Variants in PNISR observed in about 807,000 individuals in gnomAD.
PNISR encodes arginine/serine-rich protein PNISR.
A neutral mutation model predicts 93.4 loss-of-function variants in PNISR; 20 were observed. The ratio of observed to expected loss-of-function variants is 0.21; its 90% CI spans 0.15 to 0.31. The LOEUF (loss-of-function observed/expected upper bound fraction) is 0.31. PNISR is among the 10% of genes least tolerant of loss of function. PNISR has a pLI of 1.00. For missense variants in PNISR, 893 were observed against 985.4 expected, an observed-to-expected ratio of 0.91 and a Z score of 1.25; for synonymous variants, 305 against 306.5, an observed-to-expected ratio of 0.99 and a Z score of 0.05.
chr6:99,408,407 A>G, intron 6 of PNISR, 136 bp from the exon 7 acceptor site: 3 of 620,200 alleles, frequency 4.8e-6, no homozygotes, highest in South Asian at 4.1e-5. Context: ...AGCAGGGACC[A>G]CTGCTCTAGT....
Position 99,425,283 on chromosome 6 carries a change from C to T in PNISR, c.-180G>A. 2 of 1,232,164 alleles carry T rather than the reference C, an allele frequency of 1.6e-6. No individual in the cohort carries two copies. Among genetic ancestry groups the T allele is most frequent in the African/African-American group, 1.5e-5 (1 of 64,550 alleles). The allele number at this position is 1,232,164 out of a possible 1,614,324, so 76.3% of individuals were successfully genotyped here. A position where few individuals can be genotyped will look rare whatever the true frequency, so the allele number is the denominator to read the frequency against. ...CACCTCTCCAACGCTTTCGATGCTT[C>T]TACTTCTTCGGGAACAAGACAAGAT... On this transcript the variant is annotated 5_prime_UTR_variant, in exon 1 of 12. Transcript: ENST00000369239.
intron 5 of PNISR, chr6:99,409,965 C>G (rs1206083796): frequency 7.2e-5 from 11 of 152,134 alleles, no homozygotes; most frequent in African/African-American, 2.4e-5. Context: ...ATCTGTATAC[C>G]AAGTATACAA....
chr6:99,404,829 A>AG, intron 8 of PNISR, 127 bp from the exon 9 acceptor site: 11 of 574,220 alleles, frequency 1.9e-5, no homozygotes, highest in Non-Finnish European at 3.4e-5. Context: ...CCCAGGCTGG[A>AG]TCATACTGGC....
rs1775909571 is a variant in PNISR, at chr6:99,404,609, T to C, written c.1096A>G (p.Thr366Ala). 1 of 1,570,526 alleles carries C rather than the reference T, an allele frequency of 6.4e-7. No homozygotes were observed. Among genetic ancestry groups the C allele is most frequent in the Non-Finnish European group, 8.8e-7 (1 of 1,140,330 alleles). ...YVAKDAHRKATKAPAKQLAQS... is the reference protein window; with the variant it reads ...YVAKDAHRKAAKAPAKQLAQS... ...CAGAAACACCAAAATATACCTTTCG[T>C]TGCTTTGCGGTGTGCATCTTTGGCT... The change falls in exon 9 of 12, where the codon ACG becomes GCG. Residue 366 changes from threonine to alanine, a missense_variant. This residue lies in a region of PNISR where 866 missense variants were observed against 935.1 expected (regional missense o/e 0.93). Transcript: ENST00000369239.
At chr6:99,401,699 G>A in intron 11 of PNISR, 69 bp from the exon 12 acceptor site, 1 of 1,222,850 alleles carries the variant, frequency 8.2e-7, no homozygotes, top group East Asian at 2.5e-5. Flanking sequence ...CAAATGTCAA[G>A]CTACCAGACT....
rs779793321 is a variant in PNISR at position 99,403,843 on chromosome 6, G to T, written c.1142C>A (p.Ser381Tyr). ...AAAACACTTACCGAGTCCAGTGAGG[G>T]AAGCCAGTGCACTGGACTGTGCCAG... ...KQLAQSSALA[S>Y]LTGLGGLGGY... The change falls in exon 10 of 12, where the codon TCC becomes TAC. Residue 381 changes from serine (S) to tyrosine (Y), a missense_variant. This residue lies in a region of PNISR where 866 missense variants were observed against 935.1 expected (regional missense o/e 0.93). Coordinates refer to ENST00000369239, the MANE Select transcript of PNISR (RefSeq NM_032870.4). 3.7e-6 allele frequency: 6 copies of T among 1,612,996 alleles called. No individual in the cohort carries two copies. Among genetic ancestry groups the T allele is most frequent in the Admixed American group, 1.7e-5 (1 of 59,926 alleles).
intron 1 of PNISR, among the ~76,000 whole-genome samples, chr6:99,423,438 A>G (rs1217099415): frequency 6.6e-6 from 1 of 152,242 alleles, no homozygotes; most frequent in Non-Finnish European, 1.5e-5. Context: ...GGCTCTGCAA[A>G]GTGACTTCCT....
rs1400356442 is a variant in PNISR, at chr6:99,400,878, TCTC to T, written c.2077_2079del (p.Glu693del). ...AAATCTTTTTCTTCCCTTTTTTGTT[TCTC>T]TTTTCTTTTATCCTGTTCACGTTCC... On this transcript the variant is annotated inframe_deletion, in exon 12 of 12. Coordinates refer to ENST00000369239, the MANE Select transcript of PNISR (RefSeq NM_032870.4). 1 of 1,588,652 alleles carries T rather than the reference TCTC, an allele frequency of 6.3e-7. No individual in the cohort carries two copies. Among genetic ancestry groups the T allele is most frequent in the Non-Finnish European group, 8.6e-7 (1 of 1,162,062 alleles).
At chr6:99,410,550 T>C in intron 5 of PNISR, 191 bp downstream of exon 5, 1 of 539,140 alleles carries the variant, frequency 1.9e-6, no homozygotes, top group Non-Finnish European at 3.3e-6. Context: ...ACCATTTTCC[T>C]AATGAAATAA....
Position 99,400,784 on chromosome 6 carries a change from C to G in PNISR, c.2174G>C (p.Gly725Ala), listed in dbSNP as rs757753204. ...TCTTATGATTTTAACAGATATAGAA[C>G]CACTCCTAGAAAATGTTCTTTCACT... ...RESERTFSRSGSISVKIIRHD... is the reference protein window; with the variant it reads ...RESERTFSRSASISVKIIRHD... Residue 725 changes from glycine (G) to alanine (A), a missense_variant, in exon 12 of 12, where the codon GGT (glycine) becomes GCT (alanine). Coordinates refer to ENST00000369239, the MANE Select transcript of PNISR (RefSeq NM_032870.4). 1.2e-5 allele frequency: 20 copies of G among 1,611,594 alleles called. No homozygotes were observed. Among genetic ancestry groups the G allele is most frequent in the Non-Finnish European group, 1.7e-5 (20 of 1,178,146 alleles).
intron 5 of PNISR, chr6:99,410,164 C>T (rs1256602072): frequency 6.6e-6 from 1 of 152,300 alleles, no homozygotes; most frequent in Non-Finnish European, 1.5e-5. Context: ...AGGGTAGACC[C>T]TGGCAGAGGG....
At chr6:99,405,231 G>C (rs934177558) in intron 8 of PNISR, among the ~76,000 whole-genome samples, 3 of 152,120 alleles carry the variant, frequency 2.0e-5, no homozygotes, top group African/African-American at 7.2e-5. Flanking sequence ...TTGGGAGGCC[G>C]AGGTGGGCGG....
At chr6:99,421,768 T>C (rs958173643) in intron 1 of PNISR, among the ~76,000 whole-genome samples, 1 of 152,232 alleles carries the variant, frequency 6.6e-6, no homozygotes, top group African/African-American at 2.4e-5. Flanking sequence ...AGAAAACTAA[T>C]ACAACCAGAA....
intron 5 of PNISR, chr6:99,409,559 A>G (rs1240370881): frequency 2.4e-5 from 10 of 425,496 alleles, no homozygotes; most frequent in Non-Finnish European, 3.7e-5. Context: ...AGGCTTCTAA[A>G]AGCCAGCTGA....
At chr6:99,417,331 G>C (rs898179741) in intron 1 of PNISR, among the ~76,000 whole-genome samples, 4 of 152,028 alleles carry the variant, frequency 2.6e-5, no homozygotes, top group African/African-American at 9.7e-5. Flanking sequence ...ATGTTTAATG[G>C]TTGTCATGGA....
At chr6:99,425,075 G>T in intron 1 of PNISR, 140 bp downstream of exon 1, 1 of 447,844 alleles carries the variant, frequency 2.2e-6, no homozygotes, top group Non-Finnish European at 3.7e-6. Flanking sequence ...GGACCGCAGC[G>T]CTTTAAAGGA....
At chr6:99,401,702 AC>A in intron 11 of PNISR, 72 bp from the exon 12 acceptor site, 1 of 1,216,184 alleles carries the variant, frequency 8.2e-7, no homozygotes, top group Non-Finnish European at 1.1e-6. Context: ...ATGTCAAGCT[AC>A]CAGACTGTAA....
At chr6:99,420,980 CAAGTA>C (rs1287564353) in intron 1 of PNISR, among the ~76,000 whole-genome samples, 1 of 152,158 alleles carries the variant, frequency 6.6e-6, no homozygotes, top group East Asian at 1.9e-4. Context: ...GAAATGTTAG[CAAGTA>C]AATACATTAA....
chr6:99,423,307 A>G (rs2128499302), intron 1 of PNISR, among the ~76,000 whole-genome samples: 1 of 152,358 alleles, frequency 6.6e-6, no homozygotes, highest in Non-Finnish European at 1.5e-5. Context: ...AGGATATGAT[A>G]AAATAAACTA....
Sources: allele counts gnomAD v4.1 joint callset (sites outside exome capture counted in the v4.1 genomes callset), GRCh38; gene constraint gnomAD v4.1.1; regional missense constraint gnomAD v4.1.1; transcripts MANE v1.5; gene names NCBI Gene and HGNC (gene_info 2026-07-23, HGNC 2026-07-21).